The following MSMB variants were observed in gnomAD, a reference collection of about 807,000 sequenced individuals.
The protein encoded by MSMB is microseminoprotein beta, also known as beta-microseminoprotein.
In MSMB, 10 loss-of-function variants were observed where a neutral mutation model predicts 10.5. The ratio of observed to expected loss-of-function variants is 0.95; its 90% CI spans 0.59 to 1.62. MSMB has a LOEUF of 1.62. MSMB is among the 40% of genes most tolerant of loss of function. MSMB has a pLI of 0.00. For missense variants in MSMB, 126 were observed against 137.4 expected (o/e 0.92, Z 0.42); for synonymous variants, 43 against 46.5 (o/e 0.93, Z 0.30).
chr10:46,042,346 C>T (rs1052802630), intron 1 of MSMB, among the ~76,000 whole-genome samples: 2 of 151,864 alleles, frequency 1.3e-5, no homozygotes, highest in Non-Finnish European at 2.9e-5. Flanking sequence ...TTACTGATAA[C>T]AAAAGAAATG....
chr10:46,044,575 G>GGAAAAA (rs1554929177), intron 1 of MSMB, among the ~76,000 whole-genome samples: 1 of 38,530 alleles, frequency 2.6e-5, no homozygotes, highest in African/African-American at 7.0e-5. Flanking sequence ...CTCCGTCTCA[G>GGAAAAA]AAAAAAAAAA....
intron 3 of MSMB, among the ~76,000 whole-genome samples, chr10:46,037,426 G>C (rs1323491440): frequency 6.6e-6 from 1 of 152,154 alleles, no homozygotes; most frequent in African/African-American, 2.4e-5. Flanking sequence ...GATGGATTTG[G>C]GGGGTTGGGA....
At chr10:46,044,161 C>T (rs1840824225) in intron 1 of MSMB, among the ~76,000 whole-genome samples, 2 of 152,152 alleles carry the variant, frequency 1.3e-5, no homozygotes. Flanking sequence ...TCCTTTCCTG[C>T]ATTTAGTAAC....
chr10:46,034,950 G>A (rs1462721673), intron 3 of MSMB, among the ~76,000 whole-genome samples: 1 of 152,002 alleles, frequency 6.6e-6, no homozygotes, highest in Non-Finnish European at 1.5e-5. Context: ...ACCAGCTTGG[G>A]CAACATAGTG....
At chr10:46,044,976 C>T (rs1237801324) in intron 1 of MSMB, among the ~76,000 whole-genome samples, 3 of 152,024 alleles carry the variant, frequency 2.0e-5, no homozygotes, top group African/African-American at 7.3e-5. Flanking sequence ...GTTGTTTTAC[C>T]ATCCCCAGTT....
Position 46,033,439 on chromosome 10 carries a change from T to C in MSMB, c.328A>G (p.Ser110Gly). The C allele has an allele frequency of 6.2e-7, 1 of 1,613,880 alleles. No individual in the cohort carries two copies. The highest frequency in any genetic ancestry group is 8.5e-7 in the Non-Finnish European group (1 of 1,179,734). The change falls in exon 4 of 4, where the codon AGT becomes GGT. Residue 110 changes from serine to glycine, a missense_variant. Coordinates refer to ENST00000582163, the MANE Select transcript of MSMB (RefSeq NM_002443.4). ...KKDPKKTCSVSEWII is the reference protein window; with the variant it reads ...KKDPKKTCSVGEWII Reference sequence around the variant, plus strand: ...GAAGCACATTAGATTATCCATTCACTGACAGAACAGGTCTTTTTTGGGTCC... The same window carrying C: ...GAAGCACATTAGATTATCCATTCACCGACAGAACAGGTCTTTTTTGGGTCC...
intron 3 of MSMB, among the ~76,000 whole-genome samples, chr10:46,034,982 AAT>A (rs1840568241): frequency 6.6e-6 from 1 of 152,052 alleles, no homozygotes; most frequent in Non-Finnish European, 1.5e-5. Flanking sequence ...TAATTTTTTT[AAT>A]ACAAATAAAT....
intron 3 of MSMB, among the ~76,000 whole-genome samples, chr10:46,038,739 C>T (rs1453701401): frequency 1.1e-4 from 16 of 152,022 alleles, no homozygotes; most frequent in African/African-American, 3.1e-4. Flanking sequence ...CTGTGGTGGA[C>T]GATGTTGATA....
At chr10:46,036,735 G>A (rs184743682) in intron 3 of MSMB, among the ~76,000 whole-genome samples, 110 of 152,232 alleles carry the variant, frequency 7.2e-4, no homozygotes, top group African/African-American at 2.2e-3. Flanking sequence ...AGCCTGGCTC[G>A]TTTCCACACC....
chr10:46,040,100 T>C lies in MSMB; in HGVS notation c.4-9A>G. ...CTGCCCAGGAGAACATTCTGTAATG[T>C]GAAGAAAGGTCAGGGTGGAGAATGA... On this transcript the variant is annotated splice_polypyrimidine_tract_variant and intron_variant, in intron 1 of 3. Transcript: ENST00000582163. 6.2e-7 allele frequency: 1 copy of C among 1,610,196 alleles called. No individual in the cohort carries two copies. The highest frequency in any genetic ancestry group is 8.5e-7 in the Non-Finnish European group (1 of 1,176,682).
At chr10:46,041,689 G>T (rs1428376294) in intron 1 of MSMB, among the ~76,000 whole-genome samples, 2 of 151,960 alleles carry the variant, frequency 1.3e-5, no homozygotes, top group Non-Finnish European at 2.9e-5. Context: ...TGCTACTTGG[G>T]AGGCTGAGGT....
chr10:46,040,265 T>G (rs1840710853), intron 1 of MSMB, among the ~76,000 whole-genome samples, 174 bp from the exon 2 acceptor site: 2 of 152,174 alleles, frequency 1.3e-5, no homozygotes, highest in Non-Finnish European at 2.9e-5. Flanking sequence ...GAAAAGTATC[T>G]AGTTGACTTT....
rs1554928029 is a variant in MSMB at position 46,039,092 on chromosome 10, T to C, written c.110-21A>G. ...GCATTCTAAAATAATACACACAACA[T>C]CATCAGTGCAAGTCATGCAATGAGA... On this transcript the variant is annotated intron_variant, in intron 2 of 3. Coordinates refer to ENST00000582163, the MANE Select transcript of MSMB (RefSeq NM_002443.4). The C allele has an allele frequency of 6.2e-6, 10 of 1,603,504 alleles. No individual in the cohort carries two copies. The South Asian group carries it at 9.9e-5, about 16-fold the overall frequency.
intron 1 of MSMB, 97 bp downstream of exon 1, chr10:46,046,138 C>T (rs1350966153): frequency 2.4e-6 from 3 of 1,245,896 alleles, no homozygotes; most frequent in Non-Finnish European, 3.5e-6. Context: ...TCACATTTAC[C>T]ATTCAATGCT....
At chr10:46,033,640 C>A in intron 3 of MSMB, 89 bp from the exon 4 acceptor site, 1 of 1,559,282 alleles carries the variant, frequency 6.4e-7, no homozygotes, top group Non-Finnish European at 8.7e-7. Flanking sequence ...GGAAGTCACC[C>A]ACACTCCAAC....
chr10:46,045,720 G>A (rs1257821516), intron 1 of MSMB, among the ~76,000 whole-genome samples: 3 of 152,126 alleles, frequency 2.0e-5, no homozygotes, highest in Non-Finnish European at 2.9e-5. Flanking sequence ...GGTGGAAGAT[G>A]GGTGTCAGTG....
At chr10:46,040,300 TAAAC>T (rs1248473616) in intron 1 of MSMB, among the ~76,000 whole-genome samples, 3 of 152,134 alleles carry the variant, frequency 2.0e-5, no homozygotes, top group Admixed American at 2.0e-4. Flanking sequence ...ATGAGCTAAA[TAAAC>T]AAACAAACCT....
chr10:46,033,831 T>G (rs1279790547), intron 3 of MSMB, among the ~76,000 whole-genome samples: 1 of 152,204 alleles, frequency 6.6e-6, no homozygotes, highest in African/African-American at 2.4e-5. Flanking sequence ...GCTTGTTCCA[T>G]GCTGGCTCCT....
chr10:46,040,304 CA>C (rs1463434088), intron 1 of MSMB, among the ~76,000 whole-genome samples: 1 of 152,038 alleles, frequency 6.6e-6, no homozygotes, highest in Admixed American at 6.6e-5. Context: ...GCTAAATAAA[CA>C]AACAAACCTT....
Sources: gnomAD v4.1 joint callset for allele counts (sites outside exome capture counted in the v4.1 genomes callset) on GRCh38, gnomAD v4.1.1 for gene constraint, MANE v1.5 for transcripts, NCBI Gene and HGNC (gene_info 2026-07-23, HGNC 2026-07-21) for gene names.